Variants in DNAH6 observed in about 807,000 individuals in gnomAD.
DNAH6 encodes the protein axonemal beta dynein heavy chain 6.
In DNAH6, 340 loss-of-function variants were observed where a neutral mutation model predicts 491.4. That is an observed-to-expected ratio of 0.69 (90% CI 0.63 to 0.76). DNAH6 has a LOEUF of 0.76. DNAH6 is among the 30% of genes least tolerant of loss of function. The pLI is 0.00. For synonymous variants in DNAH6, 1,603 were observed against 1,686.1 expected (o/e 0.95, Z 1.21); for missense variants, 4,443 against 4,972.2 (o/e 0.89, Z 3.20).
At chr2:84,625,439 G>A (rs1280263387) in intron 29 of DNAH6, among the ~76,000 whole-genome samples, 1 of 152,208 alleles carries the variant, frequency 6.6e-6, no homozygotes, top group African/African-American at 2.4e-5. Flanking sequence ...CATGAAATAT[G>A]TGGGAGGTGA....
intron 45 of DNAH6, among the ~76,000 whole-genome samples, chr2:84,691,192 A>G (rs1694819234): frequency 6.6e-6 from 1 of 152,252 alleles, no homozygotes; most frequent in South Asian, 2.1e-4. Flanking sequence ...CCAGAAAAAA[A>G]TAATACTACA....
intron 63 of DNAH6, among the ~76,000 whole-genome samples, chr2:84,750,154 G>T (rs1573693559): frequency 6.7e-6 from 1 of 148,838 alleles, no homozygotes; most frequent in Non-Finnish European, 1.5e-5. Flanking sequence ...TGTAATTGTG[G>T]TACTGTGATT....
In DNAH6 at chr2:84,727,677, T is replaced by C. The variant is rs1179447350; in HGVS notation, c.9981T>C (p.Asn3327=). ...YSLKYFKQLF[N]TTIETSVKTE... is the part of the protein sequence containing the mutation. The stretch of plus-strand genomic sequence containing the variant: ...AGCTCTCTTTCACACAGTTGTTCAA[T>C]ACCACCATTGAAACTTCTGTAAAGA... Residue 3327 remains asparagine, a synonymous_variant, in exon 61 of 77, where the codon AAT becomes AAC. Coordinates refer to ENST00000389394, the MANE Select transcript of DNAH6 (RefSeq NM_001370.2). 3.2e-6 allele frequency: 5 copies of C among 1,544,286 alleles called. No homozygotes were observed. Among genetic ancestry groups the C allele is most frequent in the African/African-American group, 2.7e-5 (2 of 72,860 alleles).
chr2:84,696,317 T>C (rs1362663351), intron 46 of DNAH6, among the ~76,000 whole-genome samples: 1 of 151,884 alleles, frequency 6.6e-6, no homozygotes, highest in East Asian at 1.9e-4. Context: ...ATGCTTTAAT[T>C]AAGGGAGAAA....
chr2:84,573,699 T>A (rs1249073364), intron 12 of DNAH6, 112 bp downstream of exon 12: 1 of 901,118 alleles, frequency 1.1e-6, no homozygotes, highest in African/African-American at 1.7e-5. Flanking sequence ...CCCAAAAGAG[T>A]TGGCCTGACA....
At chr2:84,467,389 T>C in the DNAH6 span, among the ~76,000 whole-genome samples, 3 of 152,196 alleles carry the variant, frequency 2.0e-5, no homozygotes, top group Admixed American at 2.0e-4. Context: ...TAGCAACTTT[T>C]ATTTTTGATG....
At chr2:84,553,874 G>A (rs1261754224) in intron 10 of DNAH6, among the ~76,000 whole-genome samples, 4 of 152,144 alleles carry the variant, frequency 2.6e-5, no homozygotes, top group Non-Finnish European at 4.4e-5. Context: ...AAAGTTAGCA[G>A]TTGGAAACAT....
the DNAH6 span, among the ~76,000 whole-genome samples, chr2:84,505,410 A>G: frequency 6.6e-6 from 1 of 152,190 alleles, no homozygotes; most frequent in Non-Finnish European, 1.5e-5. Context: ...AAGATCAGAC[A>G]TACTTACTTT....
chr2:84,705,719 C>G lies in DNAH6; in HGVS notation c.8699C>G (p.Pro2900Arg). The G allele has an allele frequency of 6.5e-7, 1 of 1,549,842 alleles. No homozygotes were observed. The highest frequency in any genetic ancestry group is 2.4e-5 in the East Asian group (1 of 40,882). ...LYSRVVKVVE[P>R]KRQKLRAAQA... Reference sequence around the variant, plus strand: ...TCTCGAGTGGTCAAGGTCGTCGAACCAAAAAGACAAAAGCTCCGCGCCGCA... The same window carrying G: ...TCTCGAGTGGTCAAGGTCGTCGAACGAAAAAGACAAAAGCTCCGCGCCGCA... The change falls in exon 52 of 77, where the codon CCA (proline) becomes CGA (arginine). Residue 2900 changes from proline (P) to arginine (R), a missense_variant. Pro to Arg is a moderately radical substitution (Grantham distance 103). Coordinates refer to ENST00000389394, the MANE Select transcript of DNAH6 (RefSeq NM_001370.2).
In DNAH6 at chr2:84,816,040, A is replaced by G. The variant is rs753233621; in HGVS notation, c.12330A>G (p.Pro4110=). 78 of 1,551,588 alleles carry G rather than the reference A, an allele frequency of 5.0e-5. No individual in the cohort carries two copies. The highest frequency in any genetic ancestry group is 6.8e-5 in the Non-Finnish European group (78 of 1,146,994). ...CAAGCCCAACACTTTACCACTGCCC[A>G]CTTTATAAAACAGGAGCCCGGGCAG... The part of the protein sequence containing the change: ...YKPSPTLYHC[P]LYKTGARAGT... The change falls in exon 76 of 77, where the codon CCA becomes CCG. Residue 4110 remains proline (P), a synonymous_variant. Coordinates refer to ENST00000389394, the MANE Select transcript of DNAH6 (RefSeq NM_001370.2).
At chr2:84,809,441 G>A (rs1425515574) in intron 72 of DNAH6, among the ~76,000 whole-genome samples, 1 of 152,108 alleles carries the variant, frequency 6.6e-6, no homozygotes, top group Non-Finnish European at 1.5e-5. Context: ...GGTCAGCTGA[G>A]TATGTAGTCT....
intron 58 of DNAH6, among the ~76,000 whole-genome samples, chr2:84,716,938 C>T (rs1697592139): frequency 6.6e-6 from 1 of 152,194 alleles, no homozygotes; most frequent in Non-Finnish European, 1.5e-5. Flanking sequence ...CTCTGCTGAG[C>T]TCCTGGACAG....
chr2:84,699,622 G>C lies in DNAH6; in HGVS notation c.7706G>C (p.Arg2569Pro), dbSNP rs146306207. The change falls in exon 48 of 77, where the codon CGT (arginine) becomes CCT (proline). Residue 2569 changes from arginine to proline, a missense_variant. Transcript: ENST00000389394. Reference sequence around the variant, plus strand: ...TTTCAATACTTTATCAGCAAAGTGCGTCAGAAGCTGCACATTGTTCTCTGC... The same window carrying C: ...TTTCAATACTTTATCAGCAAAGTGCCTCAGAAGCTGCACATTGTTCTCTGC... ...EVFQYFISKVRQKLHIVLCMS... is the reference protein window; with the variant it reads ...EVFQYFISKVPQKLHIVLCMS... 1 of 1,551,232 alleles carries C rather than the reference G, an allele frequency of 6.4e-7. No homozygotes were observed. The highest frequency in any genetic ancestry group is 1.4e-5 in the African/African-American group (1 of 73,122).
Position 84,669,525 on chromosome 2 carries a change from T to G in DNAH6, c.6306+15T>G. The G allele has an allele frequency of 1.3e-6, 2 of 1,547,492 alleles. No individual in the cohort carries two copies. Among genetic ancestry groups the G allele is most frequent in the Middle Eastern group, 3.3e-4 (2 of 5,988 alleles). On this transcript the variant is annotated intron_variant, in intron 38 of 76. Coordinates refer to ENST00000389394, the MANE Select transcript of DNAH6 (RefSeq NM_001370.2). The stretch of plus-strand genomic sequence containing the variant: ...GAGTGGGCAAGGTAGGAAACTTACA[T>G]CAAACAAGAAGTCCTCTCCAAATGT...
chr2:84,490,630 C>T, the DNAH6 span, among the ~76,000 whole-genome samples: 1,111 of 152,244 alleles, frequency 7.3e-3, 10 homozygotes, highest in Middle Eastern at 0.01. Context: ...GGCATTATCT[C>T]AGCTCACTGC....
At chr2:84,467,050 GT>G in the DNAH6 span, among the ~76,000 whole-genome samples, 1 of 152,156 alleles carries the variant, frequency 6.6e-6, no homozygotes, top group Non-Finnish European at 1.5e-5. Flanking sequence ...TCATAAGCAG[GT>G]TTTTGCTCTA....
At chr2:84,791,377 A>G (rs1163886182) in intron 68 of DNAH6, among the ~76,000 whole-genome samples, 5 of 152,030 alleles carry the variant, frequency 3.3e-5, no homozygotes, top group African/African-American at 9.7e-5. Context: ...GATACATACA[A>G]CAACATAAAT....
chr2:84,603,131 T>C (rs530461631), intron 18 of DNAH6, among the ~76,000 whole-genome samples: 7 of 152,124 alleles, frequency 4.6e-5, no homozygotes, highest in Non-Finnish European at 1.0e-4. Flanking sequence ...ATGTGTGGTT[T>C]TTCTTGCCTT....
At chr2:84,482,686 C>T in the DNAH6 span, among the ~76,000 whole-genome samples, 5 of 152,234 alleles carry the variant, frequency 3.3e-5, no homozygotes, top group African/African-American at 9.6e-5. Flanking sequence ...TTGGGGCAGA[C>T]GTGGTTGTGA....
Sources: gnomAD v4.1 joint callset for allele counts (sites outside exome capture counted in the v4.1 genomes callset) on GRCh38, gnomAD v4.1.1 for gene constraint, MANE v1.5 for transcripts, NCBI Gene and HGNC (gene_info 2026-07-23, HGNC 2026-07-21) for gene names.